Variants in BRD4 observed in about 807,000 individuals in gnomAD.
BRD4 encodes the protein bromodomain containing 4.
Under a neutral mutation model 142.1 loss-of-function variants are expected in BRD4, and 16 were observed. The observed-to-expected ratio is 0.11, with a 90% CI of 0.08 to 0.17. BRD4 has a LOEUF of 0.17. Among genes scored for constraint, BRD4 ranks in the 10% least tolerant of loss-of-function variants. BRD4 has a pLI of 1.00. For missense variants in BRD4, 1,424 were observed against 1,810.9 expected (o/e 0.79, Z 3.88); for synonymous variants, 833 against 707.5 (o/e 1.18, Z -2.82).
intron 1 of BRD4, among the ~76,000 whole-genome samples, chr19:15,278,105 C>CAAAAAAAAAAAAAAAAAAAAAAAAAAA: frequency 1.8e-5 from 1 of 55,028 alleles, no homozygotes; most frequent in Non-Finnish European, 3.2e-5. Flanking sequence ...GACTCCGTCT[C>CAAAAAAAAAAAAAAAAAAAAAAAAAAA]AAAAAAAAAA....
At chr19:15,269,089 A>AAG in intron 2 of BRD4, 47 bp from the exon 3 acceptor site, 1 of 1,608,538 alleles carries the variant, frequency 6.2e-7, no homozygotes, top group Non-Finnish European at 8.5e-7. Context: ...GCAGCCAGGC[A>AAG]GCACAAACGC....
At position 15,263,400 on chromosome 19, in the gene BRD4, T is replaced by C. The variant is rs759285134; in HGVS notation, c.1341+20A>G. On this transcript the variant is annotated intron_variant, in intron 7 of 19. Transcript: ENST00000679869. ...CTCAGCCTGCTCTGCTGAGGGTGGC[T>C]GCGCCCTCCCAAGCCTCACCTGGAG... 2.5e-6 allele frequency: 4 copies of C among 1,610,772 alleles called. No homozygotes were observed. Among genetic ancestry groups the C allele is most frequent in the Non-Finnish European group, 3.4e-6 (4 of 1,177,174 alleles).
chr19:15,323,040 A>C (rs2048077434), intron 1 of BRD4, among the ~76,000 whole-genome samples: 1 of 151,664 alleles, frequency 6.6e-6, no homozygotes, highest in Non-Finnish European at 1.5e-5. Flanking sequence ...ACACAGTGAG[A>C]CTCTGCCTCA....
chr19:15,329,410 C>T (rs2048137711), intron 1 of BRD4, among the ~76,000 whole-genome samples: 1 of 152,166 alleles, frequency 6.6e-6, no homozygotes, highest in African/African-American at 2.4e-5. Context: ...AGCCCAGGGT[C>T]TTCAAATCAC....
intron 1 of BRD4, among the ~76,000 whole-genome samples, chr19:15,299,431 C>T (rs1384589859): frequency 6.6e-6 from 1 of 152,192 alleles, no homozygotes; most frequent in African/African-American, 2.4e-5. Context: ...GATTGCTATG[C>T]TATGCCCACA....
At chr19:15,308,585 TA>T (rs894226842) in intron 1 of BRD4, among the ~76,000 whole-genome samples, 370 of 119,194 alleles carry the variant, frequency 3.1e-3, no homozygotes, top group Middle Eastern at 4.6e-3. Flanking sequence ...AGAGTCTACC[TA>T]AAAAAAAAAA....
In BRD4 at chr19:15,238,637, CG is replaced by C. The variant is rs2047212704; in HGVS notation, c.4020+105del. 4.1e-6 allele frequency: 6 copies of C among 1,451,518 alleles called. No homozygotes were observed. The highest frequency in any genetic ancestry group is 5.5e-6 in the Non-Finnish European group (6 of 1,097,462). 89.9% of individuals were successfully genotyped at this position (1,451,518 alleles called of 1,614,324 possible). A position where few individuals can be genotyped will look rare whatever the true frequency, so the allele number is the denominator to read the frequency against. On this transcript the variant is annotated intron_variant, in intron 19 of 19. Coordinates refer to ENST00000679869, the MANE Select transcript of BRD4 (RefSeq NM_001379291.1). This position sits in a 1 kb window ranked among gnomAD's most constrained non-coding sequence, Gnocchi z 7.2. ...AGGACCACATGCCGACCAGCAGGGA[CG>C]GGGCTCCCCCGCTGCCCCTCCCTGT... is the stretch of plus-strand genomic sequence containing the variant.
At chr19:15,266,273 T>C (rs897028109) in intron 4 of BRD4, among the ~76,000 whole-genome samples, 3 of 152,196 alleles carry the variant, frequency 2.0e-5, no homozygotes, top group Non-Finnish European at 4.4e-5. Context: ...AGGGTGAGAA[T>C]GTCTAGGAGC....
intron 1 of BRD4, among the ~76,000 whole-genome samples, chr19:15,319,290 C>A (rs1408929129): frequency 6.6e-6 from 1 of 152,122 alleles, no homozygotes; most frequent in African/African-American, 2.4e-5. Flanking sequence ...CATGGTGAAA[C>A]CCCATCTCCA....
intron 1 of BRD4, among the ~76,000 whole-genome samples, chr19:15,318,853 C>T (rs2048037983): frequency 6.6e-6 from 1 of 152,168 alleles, no homozygotes; most frequent in Admixed American, 6.5e-5. Flanking sequence ...AATTCCTTAT[C>T]CCCAGGAAAG....
At chr19:15,258,743 G>A (rs1189760011) in intron 7 of BRD4, among the ~76,000 whole-genome samples, 2 of 151,312 alleles carry the variant, frequency 1.3e-5, no homozygotes, top group African/African-American at 4.9e-5. Flanking sequence ...CTTGAGAACT[G>A]AGACCACCAT....
Position 15,255,610 on chromosome 19 carries a change from A to G in BRD4, c.1752-18T>C. ...CCTTCTTGCTACGAAGGGACGATGC[A>G]GACACCATCAAGAACGGGCCCCCTG... On this transcript the variant is annotated intron_variant, in intron 9 of 19. Coordinates refer to ENST00000679869, the MANE Select transcript of BRD4 (RefSeq NM_001379291.1). 6.3e-7 allele frequency: 1 copy of G among 1,584,206 alleles called. No homozygotes were observed. The highest frequency in any genetic ancestry group is 8.6e-7 in the Non-Finnish European group (1 of 1,161,060).
chr19:15,253,727 C>T (rs543130172), intron 11 of BRD4: 18 of 1,598,460 alleles, frequency 1.1e-5, no homozygotes, highest in Middle Eastern at 1.7e-4. Flanking sequence ...CCGCACTGCA[C>T]GTGACTGTGA....
In BRD4 at chr19:15,283,820, T is replaced by G. The variant is rs114509820; in HGVS notation, c.-34-10687A>C. 4.6e-3 allele frequency among the ~76,000 whole-genome samples: 706 copies of G among 152,320 alleles called. 4 individuals are homozygous for G. The highest frequency in any genetic ancestry group is 0.016 in the African/African-American group (678 of 41,556). On this transcript the variant is annotated intron_variant, in intron 1 of 19. Coordinates refer to ENST00000679869, the MANE Select transcript of BRD4 (RefSeq NM_001379291.1). ...GCTGACTCAAGGTGTCCCTGGAACCTGCCCACACTCACTGGGGACACAAAA... is the reference window on the plus strand; with the variant it reads ...GCTGACTCAAGGTGTCCCTGGAACCGGCCCACACTCACTGGGGACACAAAA...
At chr19:15,305,565 A>G (rs945871059) in intron 1 of BRD4, among the ~76,000 whole-genome samples, 2 of 152,218 alleles carry the variant, frequency 1.3e-5, no homozygotes, top group African/African-American at 2.4e-5. Flanking sequence ...ATGATGCTGT[A>G]AACAGATGTG....
chr19:15,329,450 A>T (rs1004468014), intron 1 of BRD4, among the ~76,000 whole-genome samples: 2 of 152,164 alleles, frequency 1.3e-5, no homozygotes, highest in African/African-American at 2.4e-5. Flanking sequence ...TTGCTTTAAA[A>T]ACAAAACAGG....
chr19:15,328,422 A>G (rs1226012413), intron 1 of BRD4, among the ~76,000 whole-genome samples: 8 of 152,162 alleles, frequency 5.3e-5, no homozygotes, highest in Admixed American at 5.2e-4. Context: ...AAAGCCACTC[A>G]CCGCACTTCA....
Position 15,249,222 on chromosome 19 carries a change from C to T in BRD4, c.2159-4460G>A, listed in dbSNP as rs996959011. ...GGAAGAAAATGGACTTAAGCTATAG[C>T]TTGCTGGGAAGGAATCTGGAACTGA... is the stretch of plus-strand genomic sequence containing the variant. On this transcript the variant is annotated intron_variant, in intron 11 of 19. Coordinates refer to ENST00000679869, the MANE Select transcript of BRD4 (RefSeq NM_001379291.1). The T allele has an allele frequency of 3.1e-6, 5 of 1,613,686 alleles. No homozygotes were observed. The South Asian group carries it at 3.3e-5, about 11-fold the overall frequency.
chr19:15,319,332 G>A (rs1215200056), intron 1 of BRD4, among the ~76,000 whole-genome samples: 1 of 152,280 alleles, frequency 6.6e-6, no homozygotes, highest in East Asian at 1.9e-4. Flanking sequence ...GGGCATGGTG[G>A]CTCACACCTG....
Sources: allele counts gnomAD v4.1 joint callset (sites outside exome capture counted in the v4.1 genomes callset), GRCh38; gene constraint gnomAD v4.1.1; non-coding constraint Gnocchi (gnomAD v3.1); transcripts MANE v1.5; gene names NCBI Gene and HGNC (gene_info 2026-07-23, HGNC 2026-07-21).